GPC3: variants seen among roughly 807,000 people sequenced by gnomAD.
GPC3 encodes the protein glypican 3.
GPC3 carries 3 observed loss-of-function variants against 34.4 expected under a neutral mutation model. The observed-to-expected ratio is 0.09, with a 90% CI of 0.04 to 0.23. The LOEUF is 0.23. GPC3 is among the 10% of genes least tolerant of loss of function. The pLI, the probability that GPC3 is intolerant of heterozygous loss-of-function variation, is 1.00. For missense variants in GPC3, 351 were observed against 445.6 expected, an observed-to-expected ratio of 0.79 and a Z score of 1.91; for synonymous variants, 177 against 174.0, an observed-to-expected ratio of 1.02 and a Z score of -0.13.
intron 2 of GPC3, among the ~76,000 whole-genome samples, chrX:133,826,035 A>G (rs1206659501): frequency 8.9e-6 from 1 of 112,070 alleles, no homozygotes; most frequent in Non-Finnish European, 1.9e-5. Flanking sequence ...AACAGCAGCA[A>G]CAAACACTGG....
intron 7 of GPC3, among the ~76,000 whole-genome samples, chrX:133,580,255 G>C (rs2069721052): frequency 8.9e-6 from 1 of 112,012 alleles, no homozygotes; most frequent in Admixed American, 9.5e-5. Context: ...AAGGAAGGCA[G>C]ACTAACTTTC....
intron 6 of GPC3, among the ~76,000 whole-genome samples, chrX:133,598,646 C>A (rs1000516947): frequency 1.4e-4 from 16 of 111,818 alleles, no homozygotes; most frequent in Non-Finnish European, 3.0e-4. Context: ...GGAGATTTTT[C>A]TTTGATACTA....
chrX:133,899,308 G>T (rs1258526304), intron 2 of GPC3, among the ~76,000 whole-genome samples: 1 of 111,206 alleles, frequency 9.0e-6, no homozygotes, highest in Non-Finnish European at 1.9e-5. Context: ...ATCAACATTG[G>T]CACATACTAC....
At chrX:133,904,059 A>T (rs1027431738) in intron 2 of GPC3, among the ~76,000 whole-genome samples, 1 of 112,295 alleles carries the variant, frequency 8.9e-6, no homozygotes, top group Non-Finnish European at 1.9e-5. Flanking sequence ...TACAATCTAG[A>T]GGACAGTGTA....
At chrX:133,668,586 G>A (rs2070794005) in intron 5 of GPC3, among the ~76,000 whole-genome samples, 1 of 110,109 alleles carries the variant, frequency 9.1e-6, no homozygotes, top group Non-Finnish European at 1.9e-5. Flanking sequence ...AGCACCTCAT[G>A]GTACTTATAC....
intron 6 of GPC3, among the ~76,000 whole-genome samples, chrX:133,623,700 A>G (rs2124361611): frequency 9.0e-6 from 1 of 111,714 alleles, no homozygotes; most frequent in South Asian, 3.8e-4. Flanking sequence ...ACTTCCACAC[A>G]ATAATAATGG....
intron 5 of GPC3, among the ~76,000 whole-genome samples, chrX:133,685,553 AGT>A (rs201126417): frequency 9.2e-6 from 1 of 108,702 alleles, no homozygotes; most frequent in Non-Finnish European, 1.9e-5. Context: ...GAGAATTCAA[AGT>A]GTGTGTGTGT....
At chrX:133,542,617 T>C (rs1378749816) in intron 7 of GPC3, among the ~76,000 whole-genome samples, 1 of 112,360 alleles carries the variant, frequency 8.9e-6, no homozygotes, top group East Asian at 2.8e-4. Flanking sequence ...CAAGCTTGCA[T>C]CAGCAGATGG....
At position 133,535,880 on chromosome X, in the gene GPC3, T is replaced by C. The variant is rs1914432801; in HGVS notation, c.*244A>G. 1 of 376,116 alleles carries C rather than the reference T, an allele frequency of 2.7e-6. No individual in the cohort carries two copies. The highest frequency in any genetic ancestry group is 4.6e-6 in the Non-Finnish European group (1 of 218,569). 31.0% of individuals were successfully genotyped at this position (376,116 alleles called of 1,213,427 possible). ...CATAGGAGAATAATTTGGCACAACT[T>C]GATGGTTTTTTTTCTTTCTTTGCAA... On this transcript the variant is annotated 3_prime_UTR_variant, in exon 8 of 8. Transcript: ENST00000370818.
At chrX:133,560,738 C>A (rs866022285) in intron 7 of GPC3, among the ~76,000 whole-genome samples, 67 of 96,379 alleles carry the variant, frequency 7.0e-4, no homozygotes, top group Admixed American at 6.9e-4. Context: ...GACTCTGTCT[C>A]AAAAAAAAAA....
rs190623615 is a variant in GPC3 at position 133,640,359 on chromosome X, A to C, written c.1413+21371T>G. Among the ~76,000 whole-genome samples, 5 of 112,021 alleles carry C rather than the reference A, an allele frequency of 4.5e-5. No homozygotes were observed. The Admixed American group carries it at 4.7e-4, about 11-fold the overall frequency. ...CTCCAGCTGTCTCAGTGTGGAGGAA[A>C]GGGAGGCTTTTCCCCCTCCCCTGCA... On this transcript the variant is annotated intron_variant, in intron 6 of 7. Transcript: ENST00000370818.
At chrX:133,984,335 AT>A (rs1367812059) in intron 1 of GPC3, among the ~76,000 whole-genome samples, 1 of 113,296 alleles carries the variant, frequency 8.8e-6, no homozygotes, top group Non-Finnish European at 1.9e-5. Flanking sequence ...CAGTGTAGCA[AT>A]TTGGTCTAAT....
chrX:133,582,713 GAAAC>G (rs2069744106), intron 7 of GPC3, among the ~76,000 whole-genome samples: 1 of 111,538 alleles, frequency 9.0e-6, no homozygotes, highest in East Asian at 2.8e-4. Flanking sequence ...TGGGAGGAAT[GAAAC>G]AAACAAACAA....
intron 7 of GPC3, among the ~76,000 whole-genome samples, chrX:133,586,580 C>T (rs1179430260): frequency 9.0e-6 from 1 of 111,637 alleles, no homozygotes; most frequent in East Asian, 2.8e-4. Context: ...ATGCCCTTAC[C>T]GCCCCACTAG....
chrX:133,952,450 C>T (rs752964851), intron 2 of GPC3, among the ~76,000 whole-genome samples: 9 of 112,299 alleles, frequency 8.0e-5, no homozygotes, highest in African/African-American at 2.9e-4. Flanking sequence ...AGGAGGTACT[C>T]CCCATCCTGC....
At chrX:133,788,339 G>A (rs1329574502) in intron 2 of GPC3, among the ~76,000 whole-genome samples, 1 of 107,834 alleles carries the variant, frequency 9.3e-6, no homozygotes, top group African/African-American at 3.4e-5. Context: ...AGAGCTATTT[G>A]TGGGATCCCT....
chrX:133,786,628 T>C (rs2072105183), intron 2 of GPC3, among the ~76,000 whole-genome samples: 1 of 111,861 alleles, frequency 8.9e-6, no homozygotes, highest in Admixed American at 9.4e-5. Flanking sequence ...AGTGGAGCCA[T>C]GGGGAATGGT....
chrX:133,786,580 C>T (rs1214195441), intron 2 of GPC3, among the ~76,000 whole-genome samples: 2 of 111,689 alleles, frequency 1.8e-5, no homozygotes, highest in Non-Finnish European at 3.8e-5. Context: ...GGCATGCCCA[C>T]AGCAGACTGG....
At chrX:133,951,246 T>A (rs918541089) in intron 2 of GPC3, among the ~76,000 whole-genome samples, 12 of 110,613 alleles carry the variant, frequency 1.1e-4, no homozygotes, top group Non-Finnish European at 2.1e-4. Flanking sequence ...TTGTCAGAAC[T>A]TTTTTTCTCT....
Sources: gnomAD v4.1 joint callset for allele counts (sites outside exome capture counted in the v4.1 genomes callset) on GRCh38, gnomAD v4.1.1 for gene constraint, MANE v1.5 for transcripts, NCBI Gene and HGNC (gene_info 2026-07-23, HGNC 2026-07-21) for gene names.